Variants in ABCC4 observed in about 807,000 individuals in gnomAD.
The protein encoded by ABCC4 is ATP binding cassette subfamily C member 4 (PEL blood group), also known as ATP-binding cassette sub-family C member 4.
In ABCC4, 102 loss-of-function variants were observed where a neutral mutation model predicts 168.5. The observed-to-expected ratio is 0.61, with a 90% CI of 0.52 to 0.71. The LOEUF (loss-of-function observed/expected upper bound fraction) is 0.71. Among genes scored for constraint, ABCC4 ranks in the 30% least tolerant of loss-of-function variants. ABCC4 has a pLI of 0.00. For missense variants in ABCC4, 1,402 were observed against 1,605.8 expected (o/e 0.87, Z 2.17); for synonymous variants, 617 against 590.7 (o/e 1.04, Z -0.65).
intron 19 of ABCC4, among the ~76,000 whole-genome samples, chr13:95,133,633 C>T (rs2036048847): frequency 6.6e-6 from 1 of 152,070 alleles, no homozygotes; most frequent in Non-Finnish European, 1.5e-5. Flanking sequence ...CTTCTGGAGA[C>T]CAGAGTCCCC....
At chr13:95,209,183 C>T (rs1385487626) in intron 6 of ABCC4, among the ~76,000 whole-genome samples, 1 of 152,180 alleles carries the variant, frequency 6.6e-6, no homozygotes, top group Non-Finnish European at 1.5e-5. Flanking sequence ...TGCTTAAGGA[C>T]ACTCTACTTA....
chr13:95,151,877 T>C (rs118021469), intron 19 of ABCC4, among the ~76,000 whole-genome samples: 372 of 152,298 alleles, frequency 2.4e-3, no homozygotes, highest in Non-Finnish European at 4.5e-3. Flanking sequence ...CTAGCAGAAT[T>C]GGGGCATCTC....
At chr13:95,198,342 C>G (rs1382589220) in intron 8 of ABCC4, among the ~76,000 whole-genome samples, 1 of 152,036 alleles carries the variant, frequency 6.6e-6, no homozygotes, top group Non-Finnish European at 1.5e-5. Context: ...ATGCAGCCAA[C>G]AAACATATGA....
At chr13:95,300,516 G>C (rs1344006942) in intron 1 of ABCC4, among the ~76,000 whole-genome samples, 1 of 152,160 alleles carries the variant, frequency 6.6e-6, no homozygotes, top group Non-Finnish European at 1.5e-5. Context: ...TTACCCACAT[G>C]AAACTTGCCA....
chr13:95,171,020 A>G (rs1338717378), intron 13 of ABCC4, among the ~76,000 whole-genome samples: 1 of 151,994 alleles, frequency 6.6e-6, no homozygotes, highest in African/African-American at 2.4e-5. Flanking sequence ...ACGGTTTCTT[A>G]GATGATAATT....
intron 21 of ABCC4, among the ~76,000 whole-genome samples, chr13:95,080,413 T>C (rs1276472894): frequency 6.6e-6 from 1 of 151,908 alleles, no homozygotes; most frequent in African/African-American, 2.4e-5. Flanking sequence ...TGTTTTGTTT[T>C]GTTTTTTCAG....
chr13:95,039,794 G>A (rs1008403964), intron 29 of ABCC4, among the ~76,000 whole-genome samples: 4 of 152,192 alleles, frequency 2.6e-5, no homozygotes, highest in Admixed American at 2.0e-4. Context: ...GGATGCCATC[G>A]CTGATAGTGG....
chr13:95,280,252 C>T (rs1478865495), intron 1 of ABCC4, among the ~76,000 whole-genome samples: 1 of 151,886 alleles, frequency 6.6e-6, no homozygotes, highest in African/African-American at 2.4e-5. Flanking sequence ...CCCATCTCTA[C>T]TAACAATACA....
rs74915652 is a variant in ABCC4 at position 95,037,545 on chromosome 13, G to C, written c.3736-2806C>G. On this transcript the variant is annotated intron_variant, in intron 29 of 30. Coordinates refer to ENST00000645237, the MANE Select transcript of ABCC4 (RefSeq NM_005845.5). ...CAACTTAGCCTAGGCTGCACAAATC[G>C]GAAGATGGCAGAGCTGGGATTTGAA... 5.0e-3 allele frequency among the ~76,000 whole-genome samples: 758 copies of C among 152,294 alleles called. 10 individuals carry two copies. The highest frequency in any genetic ancestry group is 9.5e-3 in the Non-Finnish European group (647 of 68,022).
At chr13:95,135,127 AGAGACCAAAT>A (rs1322789890) in intron 19 of ABCC4, among the ~76,000 whole-genome samples, 1 of 152,214 alleles carries the variant, frequency 6.6e-6, no homozygotes, top group African/African-American at 2.4e-5. Flanking sequence ...GGTGGGTAGG[AGAGACCAAAT>A]CAGAGACTCA....
chr13:95,136,853 G>A (rs1485592368), intron 19 of ABCC4, among the ~76,000 whole-genome samples: 3 of 152,206 alleles, frequency 2.0e-5, no homozygotes, highest in Non-Finnish European at 4.4e-5. Flanking sequence ...AGGCGCACAC[G>A]GCTCGCCACT....
At chr13:95,137,727 G>A (rs1039947999) in intron 19 of ABCC4, among the ~76,000 whole-genome samples, 1 of 152,136 alleles carries the variant, frequency 6.6e-6, no homozygotes, top group African/African-American at 2.4e-5. Context: ...CTTAAAGCAC[G>A]ATGTGGACAG....
intron 20 of ABCC4, among the ~76,000 whole-genome samples, chr13:95,115,639 G>A (rs2035349437): frequency 1.3e-5 from 2 of 151,970 alleles, no homozygotes; most frequent in Admixed American, 6.6e-5. Context: ...CAAAATCCAC[G>A]CCAGATACCT....
chr13:95,092,902 TA>T (rs1852658134), intron 20 of ABCC4, among the ~76,000 whole-genome samples: 1 of 152,084 alleles, frequency 6.6e-6, no homozygotes, highest in Non-Finnish European at 1.5e-5. Context: ...CATTCAAGGC[TA>T]CTATGAACAT....
At chr13:95,190,191 A>T (rs2038210659) in intron 9 of ABCC4, among the ~76,000 whole-genome samples, 1 of 152,078 alleles carries the variant, frequency 6.6e-6, no homozygotes, top group Non-Finnish European at 1.5e-5. Context: ...AAAGAAAAAA[A>T]AATCAGCCAG....
At chr13:95,095,972 G>A in intron 20 of ABCC4, 1 of 393,902 alleles carries the variant, frequency 2.5e-6, no homozygotes, top group Non-Finnish European at 4.5e-6. Context: ...ATATTTAATT[G>A]GTCAATAAAC....
Position 95,036,537 on chromosome 13 carries a change from C to T in ABCC4, c.3736-1798G>A, listed in dbSNP as rs9590166. ...GCCAGAAAAAAAAAAATAATGTTCT[C>T]AAAAAGCATTATTATTATTAGATTA... On this transcript the variant is annotated intron_variant, in intron 29 of 30. Coordinates refer to ENST00000645237, the MANE Select transcript of ABCC4 (RefSeq NM_005845.5). 7.0e-3 allele frequency among the ~76,000 whole-genome samples: 1,064 copies of T among 151,480 alleles called. 10 individuals are homozygous for T. Among genetic ancestry groups the T allele is most frequent in the African/African-American group, 0.021 (863 of 41,320 alleles).
chr13:95,178,033 A>G lies in ABCC4; in HGVS notation c.1604T>C (p.Leu535Pro). 2 of 1,614,222 alleles carry G rather than the reference A, an allele frequency of 1.2e-6. No homozygotes were observed. Among genetic ancestry groups the G allele is most frequent in the Non-Finnish European group, 1.7e-6 (2 of 1,180,026 alleles). ...TACCCGTGCTTTCTGCCCTCCACTC[A>G]GCGTGGTTCCCCGATCTCCTATCAC... is the stretch of plus-strand genomic sequence containing the variant. ...LTVIGDRGTT[L>P]SGGQKARVNL... The change falls in exon 12 of 31, where the codon CTG (leucine) becomes CCG (proline). Residue 535 changes from leucine to proline, a missense_variant. Coordinates refer to ENST00000645237, the MANE Select transcript of ABCC4 (RefSeq NM_005845.5).
intron 20 of ABCC4, among the ~76,000 whole-genome samples, chr13:95,098,885 C>T (rs944948659): frequency 3.3e-5 from 5 of 152,066 alleles, no homozygotes; most frequent in Non-Finnish European, 7.4e-5. Flanking sequence ...TAAATGTTGG[C>T]GAGGATGTGG....
Sources: gnomAD v4.1 joint callset for allele counts (sites outside exome capture counted in the v4.1 genomes callset) on GRCh38, gnomAD v4.1.1 for gene constraint, MANE v1.5 for transcripts, NCBI Gene and HGNC (gene_info 2026-07-23, HGNC 2026-07-21) for gene names.